Variants in TEX9 observed in about 807,000 individuals in gnomAD.
TEX9 encodes testis expressed 9.
In TEX9, 74 loss-of-function variants were observed where a neutral mutation model predicts 59.6. The observed-to-expected ratio is 1.24, with a 90% CI of 1.03 to 1.51. The LOEUF (loss-of-function observed/expected upper bound fraction) is 1.51. Ranked by LOEUF, TEX9 falls within the 40% of genes most tolerant of loss-of-function variation. The pLI is 0.00. For synonymous variants in TEX9, 186 were observed against 152.2 expected, an observed-to-expected ratio of 1.22 and a Z score of -1.64; for missense variants, 522 against 447.8, an observed-to-expected ratio of 1.17 and a Z score of -1.49.
chr15:56,332,651 C>A (rs2046174832), intron 1 of TEX9, among the ~76,000 whole-genome samples: 1 of 148,352 alleles, frequency 6.7e-6, no homozygotes, highest in Admixed American at 6.7e-5. Flanking sequence ...AAGAGCAAAT[C>A]AAACACAATA....
rs180870317 is a variant in TEX9 at position 56,318,119 on chromosome 15, A to C, written c.-106-55322A>C. On this transcript the variant is annotated intron_variant, in intron 1 of 5. Transcript: ENST00000560827. ...GTTGAATTGTCTTATTTCTCCTTCA[A>C]TTCTCTCAATCTTTGCTTTATATAT... Among the ~76,000 whole-genome samples the C allele has an allele frequency of 1.4e-4, 22 of 152,094 alleles. No individual in the cohort carries two copies. In the South Asian group the frequency reaches 4.6e-3, roughly 32 times the overall value.
chr15:56,422,995 T>C (rs74015425), intron 10 of TEX9, among the ~76,000 whole-genome samples: 3,042 of 152,294 alleles, frequency 0.02, 110 homozygotes, highest in African/African-American at 0.07. Flanking sequence ...CATTCCTTTT[T>C]AAGGCTTAAT....
intron 1 of TEX9, among the ~76,000 whole-genome samples, chr15:56,333,564 A>AG (rs2046201244): frequency 6.6e-6 from 1 of 152,080 alleles, no homozygotes; most frequent in East Asian, 1.9e-4. Context: ...CATAGATAGT[A>AG]TATCACGCTG....
intron 2 of TEX9, among the ~76,000 whole-genome samples, chr15:56,367,181 A>G (rs2046984082): frequency 6.6e-6 from 1 of 152,198 alleles, no homozygotes. Flanking sequence ...CGAGATAGCT[A>G]AACAGTATTA....
At chr15:56,330,177 G>A (rs1596094853) in intron 1 of TEX9, among the ~76,000 whole-genome samples, 1 of 152,098 alleles carries the variant, frequency 6.6e-6, no homozygotes, top group Non-Finnish European at 1.5e-5. Context: ...AATATATCCA[G>A]TGAAAATATA....
At chr15:56,304,913 G>A (rs2682010) in intron 1 of TEX9, among the ~76,000 whole-genome samples, 57,241 of 151,948 alleles carry the variant, frequency 0.38, 11,316 homozygotes, top group Non-Finnish European at 0.44. Context: ...TGTAGAAATG[G>A]GGTGTTGCCA....
intron 1 of TEX9, among the ~76,000 whole-genome samples, chr15:56,271,837 C>T (rs1004284925): frequency 1.3e-5 from 2 of 152,094 alleles, no homozygotes; most frequent in Non-Finnish European, 2.9e-5. Context: ...ACATTTAAAA[C>T]ATTTTAAAAA....
At chr15:56,365,356 A>T (rs1321139768), upstream of TEX9, 45 of 1,485,572 alleles carry the variant, frequency 3.0e-5, no homozygotes, top group Non-Finnish European at 4.0e-5. Context: ...TGAGAGTGGG[A>T]AGGCGTAGGC....
At chr15:56,434,372 T>G (rs1406950390) in intron 12 of TEX9, 3 of 1,612,268 alleles carry the variant, frequency 1.9e-6, no homozygotes, top group Non-Finnish European at 2.5e-6. Flanking sequence ...CTTTTTGCTT[T>G]CTCAATTTCT....
chr15:56,343,206 T>C (rs1186330763), intron 1 of TEX9, among the ~76,000 whole-genome samples: 1 of 152,140 alleles, frequency 6.6e-6, no homozygotes, highest in Non-Finnish European at 1.5e-5. Context: ...CTGATTGATA[T>C]TGAACATATC....
intron 1 of TEX9, among the ~76,000 whole-genome samples, chr15:56,255,362 T>A (rs1670513077): frequency 6.6e-6 from 1 of 152,004 alleles, no homozygotes; most frequent in Admixed American, 6.6e-5. Context: ...ATAACTTTTA[T>A]ATAGCTGTGT....
chr15:56,334,269 C>T, intron 1 of TEX9, among the ~76,000 whole-genome samples: 1 of 152,226 alleles, frequency 6.6e-6, no homozygotes, highest in Non-Finnish European at 1.5e-5. Flanking sequence ...TACTACAGAG[C>T]TATTGTAACC....
At chr15:56,278,801 A>T (rs1596061847) in intron 1 of TEX9, among the ~76,000 whole-genome samples, 1 of 115,318 alleles carries the variant, frequency 8.7e-6, no homozygotes, top group Non-Finnish European at 2.1e-5. Flanking sequence ...CAAGAGATCC[A>T]CGTTTTTTTT....
intron 1 of TEX9, among the ~76,000 whole-genome samples, chr15:56,291,464 T>C (rs2045090509): frequency 6.6e-6 from 1 of 152,202 alleles, no homozygotes; most frequent in Non-Finnish European, 1.5e-5. Flanking sequence ...ATATTTATGG[T>C]ATACAGCATG....
exon 12 of TEX9, chr15:56,428,471 A>G: frequency 6.6e-7 from 1 of 1,509,910 alleles, no homozygotes; most frequent in Non-Finnish European, 9.2e-7. Flanking sequence ...AGTCTCTATG[A>G]CAGTATGTGA....
chr15:56,248,088 A>C (rs1362545099), intron 1 of TEX9, among the ~76,000 whole-genome samples: 3 of 152,210 alleles, frequency 2.0e-5, no homozygotes, highest in Admixed American at 1.3e-4. Context: ...ATATATATAT[A>C]AGTTTCAATG....
chr15:56,278,634 C>T (rs1160135451), intron 1 of TEX9, among the ~76,000 whole-genome samples: 1 of 152,268 alleles, frequency 6.6e-6, no homozygotes, highest in Non-Finnish European at 1.5e-5. Flanking sequence ...GGGACTTTCT[C>T]TCTTAAACAC....
rs116341593 is a variant in TEX9 at position 56,244,810 on chromosome 15, C to G, written c.-107+532C>G. 4.2e-3 allele frequency among the ~76,000 whole-genome samples: 641 copies of G among 151,024 alleles called. 4 individuals carry two copies. Among genetic ancestry groups the G allele is most frequent in the African/African-American group, 0.015 (616 of 41,126 alleles). On this transcript the variant is annotated intron_variant, in intron 1 of 5. Transcript: ENST00000560827. ...AACACCCGCCCTCCCCCCGCAGACT[C>G]CGCACCATTCCCCCCCTTCCCATTC...
chr15:56,357,033 G>A (rs1463228049), intron 1 of TEX9, among the ~76,000 whole-genome samples: 3 of 152,048 alleles, frequency 2.0e-5, no homozygotes, highest in African/African-American at 7.2e-5. Flanking sequence ...GTCAATAAAG[G>A]AGTCATCCTC....
Sources: gnomAD v4.1 joint callset for allele counts (sites outside exome capture counted in the v4.1 genomes callset) on GRCh38, gnomAD v4.1.1 for gene constraint, MANE v1.5 for transcripts, NCBI Gene and HGNC (gene_info 2026-07-23, HGNC 2026-07-21) for gene names.